TTC17: variants seen among roughly 807,000 people sequenced by gnomAD.
TTC17 encodes the protein tetratricopeptide repeat domain 17.
In TTC17, 58 loss-of-function variants were observed where a neutral mutation model predicts 143.8. That is an observed-to-expected ratio of 0.40 (90% confidence interval 0.33 to 0.50). The LOEUF is 0.50. Among genes scored for constraint, TTC17 ranks in the 20% least tolerant of loss-of-function variants. TTC17 has a pLI of 0.49. For missense variants in TTC17, 1,273 were observed against 1,392.5 expected, an observed-to-expected ratio of 0.91 and a Z score of 1.37; for synonymous variants, 501 against 497.8, an observed-to-expected ratio of 1.01 and a Z score of -0.09.
intron 21 of TTC17, among the ~76,000 whole-genome samples, chr11:43,455,692 A>C (rs980677877): frequency 1.3e-5 from 2 of 152,154 alleles, no homozygotes; most frequent in Admixed American, 6.5e-5. Context: ...AACAGCATCT[A>C]AATCAGAAAG....
chr11:43,373,942 A>G (rs1032888780), intron 1 of TTC17, among the ~76,000 whole-genome samples: 2 of 152,174 alleles, frequency 1.3e-5, no homozygotes, highest in African/African-American at 4.8e-5. Context: ...TCAGATGCAT[A>G]TTTTGTTTCT....
chr11:43,455,260 G>A lies in TTC17; in HGVS notation c.3030+3995G>A, dbSNP rs559940591. On this transcript the variant is annotated intron_variant, in intron 21 of 23. Transcript: ENST00000039989. ...ACTAAAACAGTTTTCAGAGAAATTT[G>A]CATAGCATTAAGTACTGTGTCAGTA... Among the ~76,000 whole-genome samples, 4 of 151,820 alleles carry A rather than the reference G, an allele frequency of 2.6e-5. No homozygotes were observed. In the East Asian group the frequency reaches 7.7e-4, roughly 29 times the overall value.
At chr11:43,474,108 G>A (rs564663625) in intron 21 of TTC17, among the ~76,000 whole-genome samples, 5 of 152,284 alleles carry the variant, frequency 3.3e-5, no homozygotes, top group East Asian at 3.9e-4. Context: ...CAAATGCCCA[G>A]CAGTAGCGGA....
At chr11:43,366,350 C>G (rs556954326) in intron 1 of TTC17, among the ~76,000 whole-genome samples, 35 of 151,434 alleles carry the variant, frequency 2.3e-4, no homozygotes, top group South Asian at 8.4e-4. Flanking sequence ...ACTAAAATAC[C>G]AAAAAATTAG....
chr11:43,426,170 GA>G (rs1947022788), intron 16 of TTC17, among the ~76,000 whole-genome samples: 1 of 152,170 alleles, frequency 6.6e-6, no homozygotes, highest in South Asian at 2.1e-4. Flanking sequence ...TACAGCTAGA[GA>G]AAAACCTAAT....
chr11:43,366,114 G>A (rs1411826635), intron 1 of TTC17, among the ~76,000 whole-genome samples: 1 of 151,722 alleles, frequency 6.6e-6, no homozygotes, highest in Non-Finnish European at 1.5e-5. Context: ...CCGAGTAGCT[G>A]GGACTAGTTC....
chr11:43,442,078 T>C (rs1414285633), intron 16 of TTC17, among the ~76,000 whole-genome samples: 1 of 152,182 alleles, frequency 6.6e-6, no homozygotes, highest in African/African-American at 2.4e-5. Flanking sequence ...AGCTTCTTGC[T>C]CCTAGGCTAC....
At chr11:43,425,497 A>G (rs578037480) in intron 16 of TTC17, among the ~76,000 whole-genome samples, 1 of 152,246 alleles carries the variant, frequency 6.6e-6, no homozygotes, top group Non-Finnish European at 1.5e-5. Context: ...AAACAGCACC[A>G]ACTATGTAAA....
At chr11:43,488,024 G>C (rs992967110) in intron 21 of TTC17, among the ~76,000 whole-genome samples, 1 of 152,190 alleles carries the variant, frequency 6.6e-6, no homozygotes, top group Non-Finnish European at 1.5e-5. Flanking sequence ...AGGTACAGGG[G>C]ATTGGGACTT....
In TTC17 at chr11:43,444,173, A is replaced by C; in HGVS notation, c.2629A>C (p.Ile877Leu). ...NGHRYQANLEITGPKVASPGP... is the reference protein window; with the variant it reads ...NGHRYQANLELTGPKVASPGP... Reference sequence around the variant, plus strand: ...ACATCGTTACCAAGCAAACCTAGAGATCACTGGCCCCAAGGTGGCATCTCC... The same window carrying C: ...ACATCGTTACCAAGCAAACCTAGAGCTCACTGGCCCCAAGGTGGCATCTCC... The change falls in exon 18 of 24, where the codon ATC (isoleucine) becomes CTC (leucine). Residue 877 changes from isoleucine (I) to leucine (L), a missense_variant. By Grantham distance (5) the Ile-to-Leu change is conservative. This residue lies in a region of TTC17 where 878 missense variants were observed against 899.8 expected (regional missense o/e 0.98). Transcript: ENST00000039989. The C allele has an allele frequency of 6.2e-7, 1 of 1,612,598 alleles. No individual in the cohort carries two copies. The highest frequency in any genetic ancestry group is 8.5e-7 in the Non-Finnish European group (1 of 1,179,404).
intron 20 of TTC17, 150 bp from the exon 21 acceptor site, chr11:43,451,032 T>C (rs1461336082): frequency 1.6e-6 from 1 of 628,516 alleles, no homozygotes; most frequent in East Asian, 2.8e-5. Context: ...TAAATGTGTC[T>C]TCCATAGATT....
chr11:43,401,522 T>C lies in TTC17; in HGVS notation c.1296T>C (p.His432=). 2 of 1,613,458 alleles carry C rather than the reference T, an allele frequency of 1.2e-6. No homozygotes were observed. Among genetic ancestry groups the C allele is most frequent in the Non-Finnish European group, 8.5e-7 (1 of 1,179,764 alleles). ...HCQWDQPVRY[H]RGDIFENVDY... is the part of the protein sequence containing the mutation. Reference sequence around the variant, plus strand: ...AGTGGGACCAGCCTGTACGCTATCATCGTGGAGATATCTTTGAAAATGTGG... The same window carrying C: ...AGTGGGACCAGCCTGTACGCTATCACCGTGGAGATATCTTTGAAAATGTGG... The change falls in exon 10 of 24, where the codon CAT becomes CAC. Residue 432 remains histidine (H), a synonymous_variant. Transcript: ENST00000039989.
chr11:43,472,203 A>C (rs1387628749), intron 21 of TTC17, among the ~76,000 whole-genome samples: 2 of 152,112 alleles, frequency 1.3e-5, no homozygotes, highest in African/African-American at 4.8e-5. Flanking sequence ...AAAGCAAACA[A>C]ACCAACCTAG....
intron 5 of TTC17, among the ~76,000 whole-genome samples, chr11:43,392,666 C>G (rs1364308466): frequency 6.6e-6 from 1 of 152,116 alleles, no homozygotes; most frequent in African/African-American, 2.4e-5. Flanking sequence ...ATGGTTATTT[C>G]TGTAGCTGTG....
chr11:43,424,052 C>T (rs2134656555), intron 16 of TTC17, among the ~76,000 whole-genome samples: 1 of 151,114 alleles, frequency 6.6e-6, no homozygotes, highest in Admixed American at 6.6e-5. Context: ...AACTTTAAAG[C>T]AAATAGGAGA....
At chr11:43,395,589 T>TAGA (rs1351685756) in intron 5 of TTC17, 1 of 152,226 alleles carries the variant, frequency 6.6e-6, no homozygotes, top group Non-Finnish European at 1.5e-5. Context: ...CAGCTTCAAG[T>TAGA]AGAAGTTCAT....
At chr11:43,464,131 T>A (rs889425930) in intron 21 of TTC17, among the ~76,000 whole-genome samples, 5 of 151,706 alleles carry the variant, frequency 3.3e-5, no homozygotes, top group Admixed American at 6.6e-5. Flanking sequence ...CAAAAAAAAA[T>A]TAGCTGGGCG....
chr11:43,376,682 G>C (rs1275863155), intron 1 of TTC17, among the ~76,000 whole-genome samples: 1 of 152,180 alleles, frequency 6.6e-6, no homozygotes, highest in Non-Finnish European at 1.5e-5. Context: ...ATATGACACA[G>C]GAGTACATAG....
chr11:43,418,678 A>G (rs1342767659), intron 16 of TTC17, among the ~76,000 whole-genome samples: 1 of 152,104 alleles, frequency 6.6e-6, no homozygotes, highest in Non-Finnish European at 1.5e-5. Context: ...TGGAAAAAAT[A>G]AAAGTGTCAC....
Sources: allele counts gnomAD v4.1 joint callset (sites outside exome capture counted in the v4.1 genomes callset), GRCh38; gene constraint gnomAD v4.1.1; regional missense constraint gnomAD v4.1.1; transcripts MANE v1.5; gene names NCBI Gene and HGNC (gene_info 2026-07-23, HGNC 2026-07-21).